FOXN2: variants seen among roughly 807,000 people sequenced by gnomAD.
FOXN2 encodes forkhead box N2, also known as forkhead box protein N2.
FOXN2 carries 19 observed loss-of-function variants against 41.2 expected under a neutral mutation model. That is an observed-to-expected ratio of 0.46 (90% CI 0.32 to 0.68). The LOEUF is 0.68. Ranked by LOEUF, FOXN2 falls within the 30% of genes least tolerant of loss-of-function variation. The pLI is 0.03. For synonymous variants in FOXN2, 195 were observed against 176.8 expected (o/e 1.10, Z -0.82); for missense variants, 587 against 509.4 (o/e 1.15, Z -1.47).
chr2:48,371,187 C>G (rs901748117), intron 5 of FOXN2, among the ~76,000 whole-genome samples: 1 of 152,130 alleles, frequency 6.6e-6, no homozygotes, highest in Non-Finnish European at 1.5e-5. Context: ...CACTTGAGGC[C>G]AGGAGTTTGA....
At chr2:48,318,342 CAG>C (rs2104042220) in intron 1 of FOXN2, among the ~76,000 whole-genome samples, 1 of 152,214 alleles carries the variant, frequency 6.6e-6, no homozygotes, top group South Asian at 2.1e-4. Flanking sequence ...AAGTGCTTGT[CAG>C]ACATTTTATA....
rs1672282412 is a variant in FOXN2 at position 48,362,840 on chromosome 2, C to G, written c.703+133C>G. On this transcript the variant is annotated intron_variant, in intron 5 of 6. Transcript: ENST00000340553. ...TTTCTATTGCCTGGTGCCCTGGTAG[C>G]TTGTTGTAACATTGTGGCACAACGC... 1.8e-5 allele frequency: 13 copies of G among 716,334 alleles called. No homozygotes were observed. In the South Asian group the frequency reaches 2.2e-4, roughly 12 times the overall value. The allele number at this position is 716,334 out of a possible 1,614,324, so 44.4% of individuals were successfully genotyped here.
intron 3 of FOXN2, among the ~76,000 whole-genome samples, chr2:48,347,232 T>G (rs544806537): frequency 0.085 from 11,999 of 141,010 alleles, 545 homozygotes; most frequent in South Asian, 0.13. Context: ...TTTTTTTTTT[T>G]TTTTTTTTTT....
intron 3 of FOXN2, among the ~76,000 whole-genome samples, chr2:48,355,244 A>T (rs1042133991): frequency 1.3e-5 from 2 of 152,126 alleles, no homozygotes; most frequent in Admixed American, 1.3e-4. Flanking sequence ...AATTAATCTG[A>T]GTGTTTTGAA....
intron 5 of FOXN2, among the ~76,000 whole-genome samples, chr2:48,370,351 T>C (rs1313993008): frequency 6.6e-6 from 1 of 152,218 alleles, no homozygotes; most frequent in Non-Finnish European, 1.5e-5. Context: ...TTGTTTTTGC[T>C]AGCCTCTTGG....
intron 5 of FOXN2, among the ~76,000 whole-genome samples, chr2:48,370,848 C>G (rs556159115): frequency 1.8e-4 from 28 of 151,984 alleles, no homozygotes; most frequent in Non-Finnish European, 2.6e-4. Flanking sequence ...TTTTTGAGGT[C>G]TCATTCATAA....
intron 1 of FOXN2, among the ~76,000 whole-genome samples, chr2:48,317,595 CTTTTTTTTTTTTT>C (rs574980247): frequency 4.6e-3 from 160 of 34,752 alleles, no homozygotes; most frequent in African/African-American, 0.013. Flanking sequence ...TATAGTATTG[CTTTTTTTTTTTTT>C]TTTTTTTTTT....
In FOXN2 at chr2:48,347,688, G is replaced by A. The variant is rs543775518; in HGVS notation, c.537+937G>A. Among the ~76,000 whole-genome samples, 45 of 152,116 alleles carry A rather than the reference G, an allele frequency of 3.0e-4. No individual in the cohort carries two copies. In the South Asian group the frequency reaches 6.0e-3, roughly 20 times the overall value. On this transcript the variant is annotated intron_variant, in intron 3 of 6. Coordinates refer to ENST00000340553, the MANE Select transcript of FOXN2 (RefSeq NM_002158.4). ...TTCAAATAATATTATACCATTTCAC[G>A]TAACTGGCTCTTTACAGAAAAAGTT...
At chr2:48,334,711 C>A (rs1268923904) in intron 2 of FOXN2, among the ~76,000 whole-genome samples, 1 of 152,132 alleles carries the variant, frequency 6.6e-6, no homozygotes, top group East Asian at 1.9e-4. Flanking sequence ...TTGTGGGGCT[C>A]AGGGATCAGG....
intron 3 of FOXN2, among the ~76,000 whole-genome samples, chr2:48,349,163 CTG>C (rs1671296004): frequency 6.6e-6 from 1 of 152,198 alleles, no homozygotes; most frequent in Non-Finnish European, 1.5e-5. Context: ...GAGGGAGACT[CTG>C]TCTCACAAAA....
At chr2:48,320,696 T>TG (rs2104079025) in intron 1 of FOXN2, among the ~76,000 whole-genome samples, 1 of 152,318 alleles carries the variant, frequency 6.6e-6, no homozygotes, top group East Asian at 1.9e-4. Flanking sequence ...CTCTCAGACT[T>TG]GAAAAAAATC....
intron 3 of FOXN2, among the ~76,000 whole-genome samples, chr2:48,354,007 T>C (rs1671631260): frequency 6.6e-6 from 1 of 152,232 alleles, no homozygotes; most frequent in African/African-American, 2.4e-5. Context: ...TTTTATACTT[T>C]TAGAACTATT....
At chr2:48,341,890 C>T (rs953675247) in intron 2 of FOXN2, among the ~76,000 whole-genome samples, 4 of 152,252 alleles carry the variant, frequency 2.6e-5, no homozygotes, top group East Asian at 3.9e-4. Context: ...TGGGCTAATT[C>T]GTGTTATGGA....
rs751353601 is a variant in FOXN2, at chr2:48,346,480, A to T, written c.266A>T (p.Glu89Val). Reference protein sequence around the residue: ...LPIVSPLYDIEGDDVPSFGPA... With the variant: ...LPIVSPLYDIVGDDVPSFGPA... ...ATTGTTAGTCCATTGTATGACATAG[A>T]GGGAGATGATGTGCCATCCTTTGGA... Residue 89 changes from glutamate (E) to valine (V), a missense_variant, in exon 3 of 7, where the codon GAG (glutamate) becomes GTG (valine). Coordinates refer to ENST00000340553, the MANE Select transcript of FOXN2 (RefSeq NM_002158.4). 1 of 1,614,140 alleles carries T rather than the reference A, an allele frequency of 6.2e-7. No homozygotes were observed. Among genetic ancestry groups the T allele is most frequent in the Non-Finnish European group, 8.5e-7 (1 of 1,180,010 alleles).
intron 2 of FOXN2, among the ~76,000 whole-genome samples, chr2:48,340,155 A>C (rs1340323199): frequency 6.6e-6 from 1 of 152,190 alleles, no homozygotes; most frequent in South Asian, 2.1e-4. Context: ...CAAAATTCTG[A>C]TTGGTTAAAT....
rs150622629 is a variant in FOXN2, at chr2:48,332,550, G to A, written c.-15+3848G>A. Among the ~76,000 whole-genome samples the A allele has an allele frequency of 1.4e-3, 215 of 152,262 alleles. 1 individual carries two copies. Among genetic ancestry groups the A allele is most frequent in the African/African-American group, 5.0e-3 (207 of 41,552 alleles). On this transcript the variant is annotated intron_variant, in intron 2 of 6. Transcript: ENST00000340553. Reference sequence around the variant, plus strand: ...ACCTCGTCAGTGGATGTCATTGGTCGTGAGGGAGATCTATCCTTAACACTA... The same window carrying A: ...ACCTCGTCAGTGGATGTCATTGGTCATGAGGGAGATCTATCCTTAACACTA...
At chr2:48,345,361 G>C (rs72820413) in intron 2 of FOXN2, among the ~76,000 whole-genome samples, 15,663 of 152,174 alleles carry the variant, frequency 0.1, 1,088 homozygotes, top group Middle Eastern at 0.18. Flanking sequence ...TGTAGGGAAG[G>C]GGGAGATGTT....
intron 1 of FOXN2, among the ~76,000 whole-genome samples, chr2:48,316,996 A>C (rs771729119): frequency 1.2e-4 from 19 of 152,216 alleles, no homozygotes; most frequent in Non-Finnish European, 2.6e-4. Context: ...CAGAAAAGAC[A>C]ATACAATTGA....
chr2:48,342,443 A>G (rs57714954), intron 2 of FOXN2, among the ~76,000 whole-genome samples: 25,510 of 152,134 alleles, frequency 0.17, 2,321 homozygotes, highest in Admixed American at 0.23. Context: ...AAAGTGACAC[A>G]TTTGGAATTG....
Sources: gnomAD v4.1 joint callset for allele counts (sites outside exome capture counted in the v4.1 genomes callset) on GRCh38, gnomAD v4.1.1 for gene constraint, MANE v1.5 for transcripts, NCBI Gene and HGNC (gene_info 2026-07-23, HGNC 2026-07-21) for gene names.